The following OTOGL variants were observed in gnomAD, a reference collection of about 807,000 sequenced individuals.
OTOGL encodes the protein otogelin like.
In OTOGL, 285 loss-of-function variants were observed where a neutral mutation model predicts 318.5. That is an observed-to-expected ratio of 0.89 (90% CI 0.81 to 0.99). The LOEUF (loss-of-function observed/expected upper bound fraction) is 0.99, where lower values mean the gene tolerates loss of function less well. OTOGL is among the 50% of genes least tolerant of loss of function. The pLI, the probability that OTOGL is intolerant of heterozygous loss-of-function variation, is 0.00. For synonymous variants in OTOGL, 987 were observed against 936.5 expected, an observed-to-expected ratio of 1.05 and a Z score of -0.99; for missense variants, 2,899 against 2,845.6, an observed-to-expected ratio of 1.02 and a Z score of -0.43.
chr12:80,255,433 CTTAGA>C (rs1881947498), intron 16 of OTOGL, among the ~76,000 whole-genome samples: 1 of 151,928 alleles, frequency 6.6e-6, no homozygotes, highest in South Asian at 2.1e-4. Flanking sequence ...ACAAGTATGT[CTTAGA>C]TTAAATACTA....
chr12:80,228,518 T>C (rs1333171502), intron 7 of OTOGL, among the ~76,000 whole-genome samples: 1 of 152,080 alleles, frequency 6.6e-6, no homozygotes, highest in Non-Finnish European at 1.5e-5. Context: ...ACCCGTATAT[T>C]ATTGACAATT....
chr12:80,376,720 A>G (rs1381894848), intron 57 of OTOGL, among the ~76,000 whole-genome samples: 2 of 152,110 alleles, frequency 1.3e-5, no homozygotes, highest in African/African-American at 4.8e-5. Flanking sequence ...TGATGTATAT[A>G]TGTAGTTATG....
intron 1 of OTOGL, among the ~76,000 whole-genome samples, chr12:80,100,928 C>G (rs1219173076): frequency 6.6e-6 from 1 of 151,986 alleles, no homozygotes; most frequent in African/African-American, 2.4e-5. Flanking sequence ...TTGCAGTTGT[C>G]AAGGCTTAGT....
chr12:80,155,886 C>T (rs1325864462), intron 1 of OTOGL, among the ~76,000 whole-genome samples: 3 of 152,162 alleles, frequency 2.0e-5, no homozygotes, highest in Non-Finnish European at 2.9e-5. Flanking sequence ...CTTTCTGTGC[C>T]TGGCTTATTT....
chr12:80,144,665 C>A (rs1872210144), intron 1 of OTOGL, among the ~76,000 whole-genome samples: 1 of 151,880 alleles, frequency 6.6e-6, no homozygotes, highest in Non-Finnish European at 1.5e-5. Flanking sequence ...AGTTTACAGT[C>A]CCACCAACAG....
intron 5 of OTOGL, 92 bp downstream of exon 5, chr12:80,217,756 C>A: frequency 1.1e-6 from 1 of 930,074 alleles, no homozygotes; most frequent in Non-Finnish European, 1.6e-6. Context: ...TTCCGTATAC[C>A]ACATGAAGGA....
chr12:80,123,197 C>A (rs1303011623), intron 1 of OTOGL, among the ~76,000 whole-genome samples: 1 of 152,002 alleles, frequency 6.6e-6, no homozygotes, highest in Non-Finnish European at 1.5e-5. Context: ...CCCCACCCCA[C>A]AACAGGCCCC....
Position 80,318,718 on chromosome 12 carries a change from G to GTATA in OTOGL, c.3802+6_3802+9dup. ...TTTTCAAAGAGAAGGTATCATGTAA[G>GTATA]TATAATTGAAAATAAGAGTTTAGCT... On this transcript the variant is annotated splice_donor_region_variant and intron_variant, in intron 33 of 58. Coordinates refer to ENST00000547103, the MANE Select transcript of OTOGL (RefSeq NM_001378609.3). The GTATA allele has an allele frequency of 8.1e-7, 1 of 1,234,122 alleles. No homozygotes were observed. The highest frequency in any genetic ancestry group is 3.4e-5 in the South Asian group (1 of 29,434). 76.4% of individuals were successfully genotyped at this position (1,234,122 alleles called of 1,614,324 possible).
At position 80,219,790 on chromosome 12, in the gene OTOGL, CT is replaced by C. The variant is rs71717494; in HGVS notation, c.236-10del. On this transcript the variant is annotated intron_variant, in intron 5 of 58. Coordinates refer to ENST00000547103, the MANE Select transcript of OTOGL (RefSeq NM_001378609.3). ...AGAACAAATGGATGCCAGAAGATAA[CT>C]TTTTTTTTTTTTTCCCCCTCAGGTT... 137,917 of 1,040,054 alleles carry C rather than the reference CT, an allele frequency of 0.13. 21 individuals carry two copies. The highest frequency in any genetic ancestry group is 0.19 in the East Asian group (5,785 of 29,944). 64.4% of individuals were successfully genotyped at this position (1,040,054 alleles called of 1,614,324 possible). A position where few individuals can be genotyped will look rare whatever the true frequency, so the allele number is the denominator to read the frequency against.
At chr12:80,208,167 A>G in intron 1 of OTOGL, 1 of 513,036 alleles carries the variant, frequency 1.9e-6, no homozygotes, top group Non-Finnish European at 3.9e-6. Flanking sequence ...ATAGACAAAC[A>G]TCTGTTGGCT....
chr12:80,380,219 G>A lies in OTOGL; in HGVS notation c.*2171G>A, dbSNP rs1232413232. The A allele has an allele frequency of 6.6e-6, 1 of 151,934 alleles. No individual in the cohort carries two copies. Among genetic ancestry groups the A allele is most frequent in the African/African-American group, 2.4e-5 (1 of 41,400 alleles). The allele number at this position is 151,934 out of a possible 1,614,324, so 9.4% of individuals were successfully genotyped here. ...GGGAAGAAATCTTAGATTGGGGAGA[G>A]CCATTCTAATTGTGACTCAGTATCC... is the stretch of plus-strand genomic sequence containing the variant. On this transcript the variant is annotated 3_prime_UTR_variant, in exon 59 of 59. Coordinates refer to ENST00000547103, the MANE Select transcript of OTOGL (RefSeq NM_001378609.3).
intron 11 of OTOGL, among the ~76,000 whole-genome samples, chr12:80,243,639 T>A (rs958766578): frequency 1.3e-5 from 2 of 151,552 alleles, no homozygotes; most frequent in Non-Finnish European, 2.9e-5. Context: ...TCTCAATGTA[T>A]GTTGAGAAAA....
intron 1 of OTOGL, among the ~76,000 whole-genome samples, chr12:80,163,537 CAG>C (rs71441971): frequency 0.017 from 2,630 of 152,102 alleles, 65 homozygotes; most frequent in African/African-American, 0.057. Flanking sequence ...ACTTTGAAAT[CAG>C]AGTTTTTATT....
chr12:80,300,200 G>A (rs956013638), intron 27 of OTOGL, among the ~76,000 whole-genome samples: 5 of 151,000 alleles, frequency 3.3e-5, no homozygotes, highest in East Asian at 1.9e-4. Flanking sequence ...TCGATGTGTC[G>A]TGGTTTTTTT....
At chr12:80,293,782 T>C (rs1885204097) in intron 26 of OTOGL, among the ~76,000 whole-genome samples, 1 of 152,156 alleles carries the variant, frequency 6.6e-6, no homozygotes, top group Non-Finnish European at 1.5e-5. Flanking sequence ...TGAGAGAGAA[T>C]TGACTAGAAT....
chr12:80,197,215 A>G (rs996879520), intron 1 of OTOGL, among the ~76,000 whole-genome samples: 2 of 152,094 alleles, frequency 1.3e-5, no homozygotes, highest in Admixed American at 6.5e-5. Context: ...TATATCTTAA[A>G]TGTATTTGAT....
intron 1 of OTOGL, among the ~76,000 whole-genome samples, chr12:80,196,874 T>A (rs1329021726): frequency 6.6e-6 from 1 of 152,138 alleles, no homozygotes; most frequent in Non-Finnish European, 1.5e-5. Flanking sequence ...TGAGACTGGT[T>A]AAGGCCATGA....
intron 24 of OTOGL, among the ~76,000 whole-genome samples, chr12:80,275,332 T>G (rs1446658933): frequency 6.6e-6 from 1 of 151,928 alleles, no homozygotes; most frequent in Non-Finnish European, 1.5e-5. Flanking sequence ...GTGGAGGAAG[T>G]AACTGCAGAT....
chr12:80,356,279 C>A, intron 47 of OTOGL, 137 bp from the exon 48 acceptor site: 1 of 661,486 alleles, frequency 1.5e-6, no homozygotes, highest in Non-Finnish European at 2.6e-6. Flanking sequence ...GGGTTAACTG[C>A]AGTGTAAAAA....
Sources: gnomAD v4.1 joint callset for allele counts (sites outside exome capture counted in the v4.1 genomes callset) on GRCh38, gnomAD v4.1.1 for gene constraint, MANE v1.5 for transcripts, NCBI Gene and HGNC (gene_info 2026-07-23, HGNC 2026-07-21) for gene names.